The following GALNTL6 variants were observed in gnomAD, a reference collection of about 807,000 sequenced individuals.
GALNTL6 encodes polypeptide N-acetylgalactosaminyltransferase like 6, also known as polypeptide N-acetylgalactosaminyltransferase-like 6.
A neutral mutation model predicts 73.7 loss-of-function variants in GALNTL6; 46 were observed. That is an observed-to-expected ratio of 0.62 (90% CI 0.49 to 0.80). GALNTL6 has a LOEUF of 0.80. Among genes scored for constraint, GALNTL6 ranks in the 30% least tolerant of loss-of-function variants. GALNTL6 has a pLI of 0.00. For missense variants in GALNTL6, 604 were observed against 755.0 expected (o/e 0.80, Z 2.34); for synonymous variants, 259 against 263.7 (o/e 0.98, Z 0.17).
At chr4:172,421,614 A>T (rs894314309) in intron 5 of GALNTL6, among the ~76,000 whole-genome samples, 2 of 152,076 alleles carry the variant, frequency 1.3e-5, no homozygotes, top group Non-Finnish European at 2.9e-5. Flanking sequence ...AAATTCTTTT[A>T]AAAATTACAT....
At chr4:172,381,186 A>G (rs1192694068) in intron 5 of GALNTL6, among the ~76,000 whole-genome samples, 1 of 152,222 alleles carries the variant, frequency 6.6e-6, no homozygotes, top group African/African-American at 2.4e-5. Flanking sequence ...CAAAGAAGTT[A>G]AGACCTATGC....
At chr4:172,730,772 A>G (rs1181561339) in intron 5 of GALNTL6, among the ~76,000 whole-genome samples, 2 of 152,008 alleles carry the variant, frequency 1.3e-5, no homozygotes, top group African/African-American at 4.8e-5. Context: ...TCCTCTTCAA[A>G]TTTTTGTAAG....
At chr4:172,549,272 G>A (rs532743682) in intron 5 of GALNTL6, among the ~76,000 whole-genome samples, 90 of 152,270 alleles carry the variant, frequency 5.9e-4, no homozygotes, top group Middle Eastern at 3.4e-3. Flanking sequence ...GGCCTGGAAA[G>A]TAGCATATAG....
intron 7 of GALNTL6, among the ~76,000 whole-genome samples, chr4:172,858,460 A>G (rs1043281133): frequency 2.0e-5 from 3 of 152,188 alleles, no homozygotes; most frequent in South Asian, 2.1e-4. Flanking sequence ...CTCTCATATG[A>G]TATCATTTGA....
At chr4:172,141,597 C>G (rs537376729) in intron 2 of GALNTL6, among the ~76,000 whole-genome samples, 1 of 151,798 alleles carries the variant, frequency 6.6e-6, no homozygotes, top group South Asian at 2.1e-4. Flanking sequence ...ATATTTTAAA[C>G]TCGTCAATTA....
intron 5 of GALNTL6, among the ~76,000 whole-genome samples, chr4:172,426,467 T>G (rs1037983525): frequency 6.6e-6 from 1 of 152,140 alleles, no homozygotes; most frequent in Non-Finnish European, 1.5e-5. Context: ...TTCATCCAGT[T>G]TCTAAATAGT....
At chr4:172,838,336 C>T (rs750057405) in intron 7 of GALNTL6, among the ~76,000 whole-genome samples, 2 of 152,120 alleles carry the variant, frequency 1.3e-5, no homozygotes, top group Non-Finnish European at 2.9e-5. Flanking sequence ...AGCCCAGCAA[C>T]GTGGCAGGAA....
intron 5 of GALNTL6, among the ~76,000 whole-genome samples, chr4:172,678,836 C>T (rs533353306): frequency 1.3e-5 from 2 of 152,226 alleles, no homozygotes; most frequent in African/African-American, 4.8e-5. Context: ...ATTCTCCCAC[C>T]AATGTTGAAA....
chr4:172,313,943 T>A (rs1578945267), intron 4 of GALNTL6, among the ~76,000 whole-genome samples: 2 of 152,324 alleles, frequency 1.3e-5, no homozygotes, highest in South Asian at 4.1e-4. Context: ...AGAAGCCTGA[T>A]GTCACCTCTG....
chr4:172,965,499 C>T (rs923488571), intron 10 of GALNTL6, among the ~76,000 whole-genome samples: 2 of 151,894 alleles, frequency 1.3e-5, no homozygotes, highest in African/African-American at 2.4e-5. Flanking sequence ...GGGAGAATGG[C>T]GTGAACCCAG....
chr4:171,942,118 C>T (rs1000167886), intron 2 of GALNTL6, among the ~76,000 whole-genome samples: 4 of 151,842 alleles, frequency 2.6e-5, no homozygotes, highest in African/African-American at 7.3e-5. Flanking sequence ...AGGCTGCGTT[C>T]GGTGGCTCAC....
rs1170550205 is a variant in GALNTL6 at position 172,317,194 on chromosome 4, A to AT, written c.386+5447dup. On this transcript the variant is annotated intron_variant, in intron 4 of 12. Coordinates refer to ENST00000506823, the MANE Select transcript of GALNTL6 (RefSeq NM_001034845.3). ...ATACAGACTTTTGAGCAAACTCTTGATTTTTCAGTGCCTTATATTCTAAAT... is the reference window on the plus strand; with the variant it reads ...ATACAGACTTTTGAGCAAACTCTTGATTTTTTCAGTGCCTTATATTCTAAAT... Among the ~76,000 whole-genome samples the AT allele has an allele frequency of 5.9e-5, 9 of 152,290 alleles. No homozygotes were observed. The South Asian group carries it at 1.2e-3, about 21-fold the overall frequency.
At chr4:173,032,244 T>C (rs1004714905) in intron 12 of GALNTL6, among the ~76,000 whole-genome samples, 7 of 152,186 alleles carry the variant, frequency 4.6e-5, no homozygotes, top group African/African-American at 1.4e-4. Flanking sequence ...GGTCAGGAGA[T>C]CAAGACCATC....
intron 5 of GALNTL6, among the ~76,000 whole-genome samples, chr4:172,626,398 T>G (rs1739172726): frequency 6.6e-6 from 1 of 152,126 alleles, no homozygotes; most frequent in Non-Finnish European, 1.5e-5. Flanking sequence ...AACCATGCTG[T>G]TTTGGTTACT....
intron 5 of GALNTL6, among the ~76,000 whole-genome samples, chr4:172,686,592 G>GA (rs200806800): frequency 0.011 from 1,643 of 152,202 alleles, 105 homozygotes; most frequent in Admixed American, 0.094. Flanking sequence ...AAAACTAGAG[G>GA]AAAACACTAT....
intron 5 of GALNTL6, among the ~76,000 whole-genome samples, chr4:172,440,867 G>C (rs1269085874): frequency 6.6e-6 from 1 of 151,906 alleles, no homozygotes; most frequent in Non-Finnish European, 1.5e-5. Context: ...GCCTTTTTAT[G>C]ATATAACTAT....
chr4:172,438,025 GT>G (rs970819281), intron 5 of GALNTL6, among the ~76,000 whole-genome samples: 5 of 152,054 alleles, frequency 3.3e-5, no homozygotes, highest in African/African-American at 9.7e-5. Flanking sequence ...ATATTTGCAA[GT>G]TGTGTTATCA....
At chr4:171,928,841 C>G (rs1235873989) in intron 2 of GALNTL6, among the ~76,000 whole-genome samples, 1 of 152,172 alleles carries the variant, frequency 6.6e-6, no homozygotes, top group Non-Finnish European at 1.5e-5. Context: ...GGCTGCACAT[C>G]TATACCATCT....
rs866310797 is a variant in GALNTL6, at chr4:172,212,697, C to T, written c.139-16959C>T. On this transcript the variant is annotated intron_variant, in intron 2 of 12. Coordinates refer to ENST00000506823, the MANE Select transcript of GALNTL6 (RefSeq NM_001034845.3). ...TATTTTATTTTTTTAGATGGAGTTT[C>T]GCTCTTGTTGCCCAGGCTAGAGTGC... Among the ~76,000 whole-genome samples the T allele has an allele frequency of 1.3e-4, 19 of 151,862 alleles. No individual in the cohort carries two copies. The South Asian group carries it at 1.5e-3, about 12-fold the overall frequency.
Sources: allele counts gnomAD v4.1 joint callset (sites outside exome capture counted in the v4.1 genomes callset), GRCh38; gene constraint gnomAD v4.1.1; transcripts MANE v1.5; gene names NCBI Gene and HGNC (gene_info 2026-07-23, HGNC 2026-07-21).